Variants in MAF observed in about 807,000 individuals in gnomAD.
MAF encodes transcription factor Maf.
MAF carries 10 observed loss-of-function variants against 22.0 expected under a neutral mutation model. The observed-to-expected ratio is 0.45, with a 90% CI of 0.28 to 0.77. MAF has a LOEUF of 0.77. Among genes scored for constraint, MAF ranks in the 30% least tolerant of loss-of-function variants. MAF has a pLI of 0.12. For synonymous variants in MAF, 337 were observed against 255.8 expected (o/e 1.32, Z -3.03); for missense variants, 544 against 548.4 (o/e 0.99, Z 0.08).
chr16:79,461,390 T>C, the MAF span, among the ~76,000 whole-genome samples: 1 of 152,170 alleles, frequency 6.6e-6, no homozygotes, highest in Non-Finnish European at 1.5e-5. Context: ...AAGGGACAAC[T>C]TGGGAACCCA....
rs769465937 is a variant in MAF, at chr16:79,599,646, G to T, written c.257C>A (p.Ala86Glu). The change falls in exon 1 of 2, where the codon GCG becomes GAG. Residue 86 changes from alanine (A) to glutamate (E), a missense_variant. This residue lies in a region of MAF where 342 missense variants were observed against 315.5 expected (regional missense o/e 1.08). Transcript: ENST00000326043. The part of the protein sequence containing the change: ...PSPGSGSEQK[A>E]HLEDYYWMTG... ...CATCCAGTAGTAGTCTTCCAGGTGC[G>T]CCTTCTGCTCGCTGCCCGAGCCCGG... 3 of 1,611,728 alleles carry T rather than the reference G, an allele frequency of 1.9e-6. No individual in the cohort carries two copies. The highest frequency in any genetic ancestry group is 2.5e-6 in the Non-Finnish European group (3 of 1,179,518).
At chr16:79,324,798 C>T in the MAF span, among the ~76,000 whole-genome samples, 1 of 152,208 alleles carries the variant, frequency 6.6e-6, no homozygotes, top group Non-Finnish European at 1.5e-5. Context: ...TGGCCACAAA[C>T]TTGGTGGCTT....
chr16:79,313,829 G>C, the MAF span, among the ~76,000 whole-genome samples: 35 of 152,230 alleles, frequency 2.3e-4, no homozygotes, highest in African/African-American at 8.2e-4. Flanking sequence ...GAGTCAGGGG[G>C]ATAGAGGTGT....
the MAF span, among the ~76,000 whole-genome samples, chr16:79,426,217 A>AAAG: frequency 1.9e-4 from 29 of 151,978 alleles, no homozygotes; most frequent in Admixed American, 1.2e-3. Flanking sequence ...AAAGAAAAAA[A>AAAG]AAAAATTAAC....
At chr16:79,550,388 C>G in the MAF span, among the ~76,000 whole-genome samples, 1 of 151,992 alleles carries the variant, frequency 6.6e-6, no homozygotes, top group East Asian at 1.9e-4. Flanking sequence ...CAGAAACTCT[C>G]AACTCTTGGT....
the MAF span, among the ~76,000 whole-genome samples, chr16:79,534,969 C>A: frequency 6.6e-6 from 1 of 152,116 alleles, no homozygotes; most frequent in African/African-American, 2.4e-5. Flanking sequence ...CAAAAATATC[C>A]CCTCCTTTGT....
At chr16:79,507,661 G>A in the MAF span, among the ~76,000 whole-genome samples, 17 of 151,950 alleles carry the variant, frequency 1.1e-4, no homozygotes, top group African/African-American at 3.4e-4. Flanking sequence ...TCCTGACCTC[G>A]TGATCCATCC....
At chr16:79,524,194 G>A in the MAF span, among the ~76,000 whole-genome samples, 1 of 152,138 alleles carries the variant, frequency 6.6e-6, no homozygotes, top group Non-Finnish European at 1.5e-5. Flanking sequence ...AGTTTCAACG[G>A]GAGAGCAGGA....
the MAF span, among the ~76,000 whole-genome samples, chr16:79,289,075 A>C: frequency 9.6e-3 from 1,467 of 152,326 alleles, 10 homozygotes; most frequent in Non-Finnish European, 0.016. Context: ...ACCTGCTGAG[A>C]TCTCTAAGTG....
downstream of MAF, among the ~76,000 whole-genome samples, chr16:79,593,372 G>A (rs137863860): frequency 1.0e-3 from 154 of 152,228 alleles, no homozygotes; most frequent in African/African-American, 3.5e-3. Flanking sequence ...ATGTTTGTGA[G>A]GGTGACCATG....
the MAF span, among the ~76,000 whole-genome samples, chr16:79,517,254 G>T: frequency 6.6e-6 from 1 of 152,144 alleles, no homozygotes; most frequent in Admixed American, 6.5e-5. Context: ...ATTCCCACCT[G>T]GCTTCAGCCT....
chr16:79,477,114 T>C, the MAF span, among the ~76,000 whole-genome samples: 1 of 152,004 alleles, frequency 6.6e-6, no homozygotes, highest in South Asian at 2.1e-4. Flanking sequence ...AAAGCAATGG[T>C]TGAAAGGACC....
chr16:79,225,106 C>T, the MAF span, among the ~76,000 whole-genome samples: 2 of 152,178 alleles, frequency 1.3e-5, no homozygotes, highest in East Asian at 3.8e-4. Flanking sequence ...TGCCTGACTT[C>T]AAAGGATACT....
chr16:79,585,989 C>A, intron 1 of MAF: 1 of 658,116 alleles, frequency 1.5e-6, no homozygotes, highest in South Asian at 1.7e-5. Context: ...TTAATAACCA[C>A]GAAGAATGTT....
the MAF span, among the ~76,000 whole-genome samples, chr16:79,430,619 G>A: frequency 1.3e-5 from 2 of 152,198 alleles, no homozygotes. Flanking sequence ...TTGGGAAAAT[G>A]AGAGGCCCAG....
At chr16:79,293,861 GAGAGAGAGAA>G in the MAF span, among the ~76,000 whole-genome samples, 1 of 136,094 alleles carries the variant, frequency 7.3e-6, no homozygotes, top group East Asian at 2.5e-4. Context: ...GAGAGAGAGA[GAGAGAGAGAA>G]AGAGAGGAGA....
At chr16:79,498,802 G>A in the MAF span, among the ~76,000 whole-genome samples, 3 of 152,174 alleles carry the variant, frequency 2.0e-5, no homozygotes, top group African/African-American at 7.2e-5. Context: ...TACAGCCCTT[G>A]AAAGCTAAGG....
downstream of MAF, among the ~76,000 whole-genome samples, chr16:79,593,108 A>G (rs973795071): frequency 6.6e-6 from 1 of 151,970 alleles, no homozygotes; most frequent in South Asian, 2.1e-4. Flanking sequence ...AAAAAACAAA[A>G]AGAGAGAGAG....
At chr16:79,216,135 G>GTA in the MAF span, among the ~76,000 whole-genome samples, 3,373 of 151,220 alleles carry the variant, frequency 0.022, 133 homozygotes, top group African/African-American at 0.078. Flanking sequence ...ATCTGTATAT[G>GTA]TATATGTCAT....
Sources: allele counts gnomAD v4.1 joint callset (sites outside exome capture counted in the v4.1 genomes callset), GRCh38; gene constraint gnomAD v4.1.1; regional missense constraint gnomAD v4.1.1; transcripts MANE v1.5; gene names NCBI Gene and HGNC (gene_info 2026-07-23, HGNC 2026-07-21).